The following INSL6 variants were observed in gnomAD, a reference collection of about 807,000 sequenced individuals.
INSL6 encodes the protein insulin-like peptide INSL6.
INSL6 carries 16 observed loss-of-function variants against 9.4 expected under a neutral mutation model. The observed-to-expected ratio is 1.70, with a 90% CI of 1.15 to 2.59. The LOEUF (loss-of-function observed/expected upper bound fraction) is 2.59. INSL6 is among the 30% of genes most tolerant of loss of function. The probability of loss-of-function intolerance (pLI) is 0.00; values close to 1 mark genes in which losing one functional copy is unlikely to be tolerated. For missense variants in INSL6, 391 were observed against 257.3 expected (o/e 1.52, Z -3.56); for synonymous variants, 154 against 96.9 (o/e 1.59, Z -3.46).
intron 3 of INSL6, among the ~76,000 whole-genome samples, chr9:5,131,313 C>T (rs1291948590): frequency 6.6e-6 from 1 of 151,700 alleles, no homozygotes; most frequent in Non-Finnish European, 1.5e-5. Context: ...ATTATTATGT[C>T]CTTAGTAACA....
At chr9:5,140,059 G>C (rs1362363308) in intron 2 of INSL6, among the ~76,000 whole-genome samples, 1 of 152,082 alleles carries the variant, frequency 6.6e-6, no homozygotes, top group Non-Finnish European at 1.5e-5. Context: ...TTTCTAAAAA[G>C]AAGTTTATTC....
At chr9:5,153,593 A>C (rs1824757113) in intron 2 of INSL6, among the ~76,000 whole-genome samples, 1 of 152,246 alleles carries the variant, frequency 6.6e-6, no homozygotes, top group Non-Finnish European at 1.5e-5. Context: ...GTCTCAGCCC[A>C]AAATCTCCTT....
At chr9:5,007,615 A>G in the INSL6 span, among the ~76,000 whole-genome samples, 1 of 151,210 alleles carries the variant, frequency 6.6e-6, no homozygotes, top group African/African-American at 2.5e-5. Context: ...ATATACTTTT[A>G]TTAGGTTGAC....
At chr9:5,075,628 C>G in the INSL6 span, among the ~76,000 whole-genome samples, 35,081 of 152,070 alleles carry the variant, frequency 0.23, 4,408 homozygotes, top group South Asian at 0.3. Flanking sequence ...AGATTGCTTT[C>G]AAAGTATTAC....
At chr9:5,178,126 T>C (rs1274827235) in intron 1 of INSL6, among the ~76,000 whole-genome samples, 1 of 152,190 alleles carries the variant, frequency 6.6e-6, no homozygotes, top group Non-Finnish European at 1.5e-5. Context: ...CCACCCGCCT[T>C]GGCCTCCCAA....
the INSL6 span, chr9:5,090,627 T>C: frequency 1.3e-6 from 2 of 1,534,496 alleles, no homozygotes; most frequent in Non-Finnish European, 1.8e-6. Context: ...AAGTAGACAT[T>C]AGGAAATCAT....
At chr9:5,085,412 T>A in the INSL6 span, 1 of 775,188 alleles carries the variant, frequency 1.3e-6, no homozygotes, top group Non-Finnish European at 2.4e-6. Flanking sequence ...GAGACTGCTT[T>A]ACAACTGTTG....
At chr9:4,994,078 C>T in the INSL6 span, among the ~76,000 whole-genome samples, 3 of 152,228 alleles carry the variant, frequency 2.0e-5, no homozygotes, top group African/African-American at 7.2e-5. Context: ...AATAATTATC[C>T]TACTTGTTTT....
the INSL6 span, among the ~76,000 whole-genome samples, chr9:5,060,504 A>T: frequency 2.6e-5 from 4 of 152,324 alleles, no homozygotes; most frequent in East Asian, 7.7e-4. Flanking sequence ...TTCACCCAGG[A>T]CTAGATTCCA....
the INSL6 span, among the ~76,000 whole-genome samples, chr9:5,012,572 G>C: frequency 6.6e-6 from 1 of 152,018 alleles, no homozygotes; most frequent in East Asian, 1.9e-4. Flanking sequence ...CCTTGGTCTG[G>C]AGATCCCGAA....
the INSL6 span, among the ~76,000 whole-genome samples, chr9:5,029,325 G>A: frequency 5.9e-5 from 9 of 152,060 alleles, no homozygotes; most frequent in Admixed American, 5.9e-4. Context: ...ATATGGGCAC[G>A]GTTCATAGCG....
chr9:5,125,557 T>A (rs930894275), intron 3 of INSL6, among the ~76,000 whole-genome samples: 6 of 151,576 alleles, frequency 4.0e-5, no homozygotes, highest in African/African-American at 7.2e-5. Context: ...TGAACTATTT[T>A]AAAATTTTTT....
chr9:5,164,485 A>G (rs1825004962), intron 1 of INSL6, among the ~76,000 whole-genome samples: 1 of 152,242 alleles, frequency 6.6e-6, no homozygotes, highest in Non-Finnish European at 1.5e-5. Flanking sequence ...TTGTATTAAC[A>G]ATTTGAGATA....
At chr9:5,081,884 AATAGAGT>A in the INSL6 span, 2 of 1,583,466 alleles carry the variant, frequency 1.3e-6, no homozygotes, top group Non-Finnish European at 1.7e-6. Flanking sequence ...AATTTTTTCA[AATAGAGT>A]ATAATCATTT....
the INSL6 span, chr9:5,072,524 G>T: frequency 2.5e-6 from 4 of 1,598,342 alleles, no homozygotes; most frequent in Non-Finnish European, 3.4e-6. Context: ...CTTTTACAAA[G>T]ATTTTTAAAG....
chr9:5,079,916 T>C, the INSL6 span, among the ~76,000 whole-genome samples: 1 of 152,216 alleles, frequency 6.6e-6, no homozygotes, highest in Admixed American at 6.5e-5. Context: ...GAAAGATTAG[T>C]TGATTCAGAA....
In INSL6 at chr9:5,176,364, T is replaced by C. The variant is rs139949928; in HGVS notation, c.289+8950A>G. 1.5e-3 allele frequency among the ~76,000 whole-genome samples: 230 copies of C among 152,362 alleles called. 1 individual carries two copies. The highest frequency in any genetic ancestry group is 5.0e-3 in the African/African-American group (207 of 41,592). ...CCTTATCCTGTTTCATTTTTCATTT[T>C]TCTGTAGCTCTTACTACTTTCAAAT... On this transcript the variant is annotated intron_variant, in intron 1 of 1. Transcript: ENST00000381641.
the INSL6 span, among the ~76,000 whole-genome samples, chr9:5,079,156 G>C: frequency 6.6e-6 from 1 of 152,094 alleles, no homozygotes; most frequent in Non-Finnish European, 1.5e-5. Context: ...TACAGGAGTA[G>C]GGAGTATGGC....
At chr9:5,146,531 T>A (rs929465151) in intron 2 of INSL6, among the ~76,000 whole-genome samples, 2 of 152,140 alleles carry the variant, frequency 1.3e-5, no homozygotes, top group African/African-American at 4.8e-5. Flanking sequence ...CTGTGCCCCA[T>A]AAGCAGGAGT....
Sources: allele counts gnomAD v4.1 joint callset (sites outside exome capture counted in the v4.1 genomes callset), GRCh38; gene constraint gnomAD v4.1.1; transcripts MANE v1.5; gene names NCBI Gene and HGNC (gene_info 2026-07-23, HGNC 2026-07-21).